Variants in EYS observed in about 807,000 individuals in gnomAD.
The protein encoded by EYS is protein eyes shut homolog.
Under a neutral mutation model 282.1 loss-of-function variants are expected in EYS, and 250 were observed. That is an observed-to-expected ratio of 0.89 (90% CI 0.80 to 0.98). The LOEUF is 0.98. Ranked by LOEUF, EYS falls within the 50% of genes least tolerant of loss-of-function variation. EYS has a pLI of 0.00. For synonymous variants in EYS, 1,355 were observed against 1,282.9 expected (o/e 1.06, Z -1.20); for missense variants, 4,016 against 3,709.0 (o/e 1.08, Z -2.15).
intron 22 of EYS, among the ~76,000 whole-genome samples, chr6:64,756,892 T>C (rs1772954733): frequency 6.7e-6 from 1 of 148,424 alleles, no homozygotes; most frequent in South Asian, 2.1e-4. Context: ...GTGCTTTTTT[T>C]TTTTTTTTAA....
rs564020009 is a variant in EYS at position 63,778,156 on chromosome 6, C to A, written c.7748G>T (p.Arg2583Leu). ...TCTGAAATGGCCATCCTTCTCAGTG[C>A]GAACTTGAAGAGTGAAAATACAGCC... The part of the protein sequence containing the change: ...FQGCIFTLQV[R>L]TEKDGHFRGL... Residue 2583 changes from arginine (R) to leucine (L), a missense_variant, in exon 40 of 43, where the codon CGC becomes CTC. Coordinates refer to ENST00000503581, the MANE Select transcript of EYS (RefSeq NM_001142800.2). 5.8e-6 allele frequency: 9 copies of A among 1,551,790 alleles called. No individual in the cohort carries two copies. The East Asian group carries it at 2.0e-4, about 34-fold the overall frequency.
intron 4 of EYS, chr6:65,491,383 T>C: frequency 3.2e-6 from 1 of 309,698 alleles, no homozygotes; most frequent in Non-Finnish European, 6.4e-6. Context: ...GCCTTGAAAA[T>C]CCCAGGGCAT....
Position 64,210,032 on chromosome 6 carries a change from C to T in EYS, c.6424+20560G>A, listed in dbSNP as rs188632746. Among the ~76,000 whole-genome samples the T allele has an allele frequency of 2.4e-3, 367 of 152,254 alleles. 1 individual carries two copies. Among genetic ancestry groups the T allele is most frequent in the African/African-American group, 8.1e-3 (337 of 41,538 alleles). ...TTTATTTGTCCTTTTCCGCATGTAA[C>T]GCTAAATTTTGGTGTTCCCTATGTG... is the stretch of plus-strand genomic sequence containing the variant. On this transcript the variant is annotated intron_variant, in intron 31 of 42. Coordinates refer to ENST00000503581, the MANE Select transcript of EYS (RefSeq NM_001142800.2).
At chr6:63,951,180 G>A (rs1765577465) in intron 35 of EYS, among the ~76,000 whole-genome samples, 1 of 152,028 alleles carries the variant, frequency 6.6e-6, no homozygotes, top group African/African-American at 2.4e-5. Flanking sequence ...CCCTTAGCCT[G>A]TGTTTTCAAG....
At chr6:65,303,235 A>G in intron 11 of EYS, 1 of 727,516 alleles carries the variant, frequency 1.4e-6, no homozygotes, top group East Asian at 2.7e-5. Flanking sequence ...GTTCTTCAGG[A>G]GTTTCCAGTC....
chr6:63,779,892 C>T (rs575855243), intron 39 of EYS, among the ~76,000 whole-genome samples: 1 of 152,244 alleles, frequency 6.6e-6, no homozygotes, highest in East Asian at 1.9e-4. Flanking sequence ...TGCTATCCCT[C>T]CGCACTCCCC....
chr6:65,403,475 A>G (rs1486444103), intron 6 of EYS, among the ~76,000 whole-genome samples: 1 of 151,964 alleles, frequency 6.6e-6, no homozygotes, highest in Non-Finnish European at 1.5e-5. Flanking sequence ...TAAGATTCCA[A>G]GGTAAAAAGC....
intron 22 of EYS, among the ~76,000 whole-genome samples, chr6:64,707,135 A>G (rs2149930697): frequency 6.8e-6 from 1 of 147,138 alleles, no homozygotes; most frequent in Middle Eastern, 3.4e-3. Flanking sequence ...ACACACATAT[A>G]TATATGTGTC....
intron 28 of EYS, among the ~76,000 whole-genome samples, chr6:64,389,390 G>A (rs1157187442): frequency 5.3e-5 from 8 of 152,132 alleles, no homozygotes; most frequent in African/African-American, 1.9e-4. Flanking sequence ...CTTTTAGAAA[G>A]ATGAAAAAGA....
chr6:64,715,252 C>T (rs987181465), intron 22 of EYS, among the ~76,000 whole-genome samples: 44 of 152,040 alleles, frequency 2.9e-4, no homozygotes, highest in African/African-American at 9.9e-4. Flanking sequence ...TAAATGGTTC[C>T]TTCTGGGGGT....
At chr6:65,141,624 A>C (rs1764343984) in intron 12 of EYS, among the ~76,000 whole-genome samples, 2 of 114,510 alleles carry the variant, frequency 1.7e-5, no homozygotes, top group Admixed American at 1.9e-4. Context: ...GAAGTCAGTG[A>C]GTCAGTCTGT....
chr6:64,670,812 A>G lies in EYS; in HGVS notation c.3444-44567T>C, dbSNP rs1769430406. Among the ~76,000 whole-genome samples the G allele has an allele frequency of 1.3e-5, 2 of 152,116 alleles. 1 individual carries two copies. The highest frequency in any genetic ancestry group is 4.1e-4 in the South Asian group (2 of 4,832). Reference sequence around the variant, plus strand: ...ACATTGCTCAGGAACTCAGGTTTATACTATTTTTTTCCTCAGGAGTTACTC... The same window carrying G: ...ACATTGCTCAGGAACTCAGGTTTATGCTATTTTTTTCCTCAGGAGTTACTC... On this transcript the variant is annotated intron_variant, in intron 22 of 42. Coordinates refer to ENST00000503581, the MANE Select transcript of EYS (RefSeq NM_001142800.2).
In EYS at chr6:64,491,424, A is replaced by G. The variant is rs893316895; in HGVS notation, c.5645-52072T>C. On this transcript the variant is annotated intron_variant, in intron 26 of 42. Transcript: ENST00000503581. ...TCTCCTTGAGTATCAGGCAAGTTTC[A>G]ATTCTAATAGACATTTTCAAATTTT... Among the ~76,000 whole-genome samples the G allele has an allele frequency of 3.3e-5, 5 of 150,960 alleles. No individual in the cohort carries two copies. In the East Asian group the frequency reaches 9.7e-4, roughly 29 times the overall value.
At position 64,058,222 on chromosome 6, in the gene EYS, T is replaced by C. The variant is rs562850795; in HGVS notation, c.6725+8116A>G. Among the ~76,000 whole-genome samples, 4 of 152,076 alleles carry C rather than the reference T, an allele frequency of 2.6e-5. No individual in the cohort carries two copies. The South Asian group carries it at 8.3e-4, about 32-fold the overall frequency. On this transcript the variant is annotated intron_variant, in intron 33 of 42. Transcript: ENST00000503581. ...GCTCCTCCTTCAACTTCTGCCATGA[T>C]TGTGAGGCCTCCCCAGTCATGTGGA...
intron 22 of EYS, among the ~76,000 whole-genome samples, chr6:64,766,844 T>C (rs1773368745): frequency 2.0e-5 from 3 of 150,830 alleles, no homozygotes; most frequent in Non-Finnish European, 4.4e-5. Flanking sequence ...GTGACAATAA[T>C]TTGTTACTTC....
At chr6:64,669,092 C>T (rs186070535) in intron 22 of EYS, among the ~76,000 whole-genome samples, 7 of 152,186 alleles carry the variant, frequency 4.6e-5, no homozygotes, top group Admixed American at 2.6e-4. Flanking sequence ...AGCATTTTAA[C>T]GTGGCCTTTA....
chr6:64,802,424 C>T (rs1211953519), intron 22 of EYS, among the ~76,000 whole-genome samples: 3 of 152,062 alleles, frequency 2.0e-5, no homozygotes, highest in Non-Finnish European at 2.9e-5. Context: ...TCTTTATGTT[C>T]CAGTACCTTT....
chr6:64,878,657 G>T (rs1002319616), intron 19 of EYS, among the ~76,000 whole-genome samples: 3 of 151,364 alleles, frequency 2.0e-5, no homozygotes, highest in Admixed American at 6.6e-5. Context: ...GTGTGTTTGC[G>T]TGTGTGTGTT....
chr6:64,105,935 T>C (rs1435081562), intron 31 of EYS, among the ~76,000 whole-genome samples: 7 of 152,196 alleles, frequency 4.6e-5, no homozygotes, highest in African/African-American at 1.7e-4. Flanking sequence ...TTAAGCTATA[T>C]GTGTCTTCAT....
Sources: allele counts gnomAD v4.1 joint callset (sites outside exome capture counted in the v4.1 genomes callset), GRCh38; gene constraint gnomAD v4.1.1; transcripts MANE v1.5; gene names NCBI Gene and HGNC (gene_info 2026-07-23, HGNC 2026-07-21).